DNPEP: variants seen among roughly 807,000 people sequenced by gnomAD.
DNPEP encodes the protein aspartyl aminopeptidase.
In DNPEP, 46 loss-of-function variants were observed where a neutral mutation model predicts 59.1. That is an observed-to-expected ratio of 0.78 (90% confidence interval 0.61 to 0.99). The LOEUF (loss-of-function observed/expected upper bound fraction) is 0.99, where lower values mean the gene tolerates loss of function less well. DNPEP is among the 50% of genes least tolerant of loss of function. The pLI, the probability that DNPEP is intolerant of heterozygous loss-of-function variation, is 0.00. For synonymous variants in DNPEP, 229 were observed against 242.2 expected (o/e 0.95, Z 0.50); for missense variants, 617 against 649.9 (o/e 0.95, Z 0.55).
chr2:219,399,477 A>G (rs1312557542), intron 1 of DNPEP: 1 of 465,122 alleles, frequency 2.1e-6, no homozygotes, highest in Middle Eastern at 3.2e-4. Context: ...GCTGAGGCCC[A>G]GGGATCTCCA....
intron 13 of DNPEP, among the ~76,000 whole-genome samples, chr2:219,379,611 A>T (rs1013346399): frequency 2.0e-5 from 3 of 152,228 alleles, no homozygotes; most frequent in African/African-American, 7.2e-5. Context: ...CAAAAATTTT[A>T]AAAATGGAAG....
At chr2:219,393,292 T>G (rs959793634), upstream of DNPEP, among the ~76,000 whole-genome samples, 1 of 152,074 alleles carries the variant, frequency 6.6e-6, no homozygotes. Flanking sequence ...TTTTTTTAGT[T>G]TTTTTGAGAC....
chr2:219,374,985 G>A lies in DNPEP; in HGVS notation c.1277C>T (p.Thr426Ile), dbSNP rs200051333. ...CCGAGAAGCCAAGATAGGTCCAATG[G>A]TGGTTCCACAGGGGGTGTCATTCCG... ...MVRNDTPCGTTIGPILASRLG... is the reference protein window; with the variant it reads ...MVRNDTPCGTIIGPILASRLG... Residue 426 changes from threonine (T) to isoleucine (I), a missense_variant, in exon 14 of 15, where the codon ACC becomes ATC. Coordinates refer to ENST00000273075, the MANE Select transcript of DNPEP (RefSeq NM_012100.4). 2.4e-5 allele frequency: 38 copies of A among 1,614,044 alleles called. No individual in the cohort carries two copies. The highest frequency in any genetic ancestry group is 1.9e-5 in the Non-Finnish European group (22 of 1,180,048).
At chr2:219,387,035 C>T (rs1355335963) in intron 2 of DNPEP, 35 bp downstream of exon 2, 11 of 1,612,046 alleles carry the variant, frequency 6.8e-6, no homozygotes, top group East Asian at 2.2e-5. Context: ...GCGCATCAGC[C>T]TCCACCCTCC....
chr2:219,383,238 G>A (rs1953674399), intron 9 of DNPEP, 24 bp from the exon 10 acceptor site: 1 of 1,602,832 alleles, frequency 6.2e-7, no homozygotes, highest in Non-Finnish European at 8.5e-7. Flanking sequence ...GGAAATGAGA[G>A]CATCATCTCC....
In DNPEP at chr2:219,383,195, G is replaced by A. The variant is rs185824214; in HGVS notation, c.872C>T (p.Ala291Val). ...CALQALIDSC[A>V]GPGSLATEPH... ...CTCTGTGGCCAGGGAGCCAGGGCCTGCACAGGAATCTATCAAGGCCTGGTT... is the reference window on the plus strand; with the variant it reads ...CTCTGTGGCCAGGGAGCCAGGGCCTACACAGGAATCTATCAAGGCCTGGTT... The change falls in exon 10 of 15, where the codon GCA (alanine) becomes GTA (valine). Residue 291 changes from alanine (A) to valine (V), a missense_variant. By Grantham distance (64) the Ala-to-Val change is moderately conservative (BLOSUM62 0). Coordinates refer to ENST00000273075, the MANE Select transcript of DNPEP (RefSeq NM_012100.4). The A allele has an allele frequency of 8.1e-6, 13 of 1,614,162 alleles. No individual in the cohort carries two copies. The highest frequency in any genetic ancestry group is 3.4e-6 in the Non-Finnish European group (4 of 1,180,002).
At chr2:219,382,247 C>G (rs1472182518) in intron 10 of DNPEP, 108 bp from the exon 11 acceptor site, 5 of 1,288,610 alleles carry the variant, frequency 3.9e-6, no homozygotes, top group Non-Finnish European at 4.3e-6. Context: ...CACTGAGTCA[C>G]TGGGTGTTCT....
upstream of DNPEP, among the ~76,000 whole-genome samples, chr2:219,392,316 T>TC (rs1954028818): frequency 6.6e-6 from 1 of 152,186 alleles, no homozygotes; most frequent in Admixed American, 6.5e-5. Flanking sequence ...TTACATACAC[T>TC]TCAGTGTGAG....
rs112344683 is a variant in DNPEP at position 219,374,181 on chromosome 2, G to C, written c.*111C>G. On this transcript the variant is annotated 3_prime_UTR_variant, in exon 15 of 15. Transcript: ENST00000273075. ...CCACTCCTCTAGTCTCCAAATAAGC[G>C]TAGCACGGAGAGTCTGAGTGACAAT... The C allele has an allele frequency of 1.9e-6, 2 of 1,080,222 alleles. No individual in the cohort carries two copies. Among genetic ancestry groups the C allele is most frequent in the South Asian group, 2.7e-5 (2 of 73,888 alleles). 66.9% of individuals were successfully genotyped at this position (1,080,222 alleles called of 1,614,324 possible).
At position 219,373,036 on chromosome 2, in the gene DNPEP, G is replaced by A. The variant is rs1246247197; in HGVS notation, c.*1256C>T. On this transcript the variant is annotated 3_prime_UTR_variant, in exon 15 of 15. Transcript: ENST00000273075. ...GCACAATTATTTTAGTGGAAGGAAG[G>A]AGGTTGGTTTATAAGCAGGCTTTGA... Among the ~76,000 whole-genome samples, 1 of 151,932 alleles carries A rather than the reference G, an allele frequency of 6.6e-6. No homozygotes were observed. The highest frequency in any genetic ancestry group is 2.4e-5 in the African/African-American group (1 of 41,414).
intron 13 of DNPEP, among the ~76,000 whole-genome samples, chr2:219,376,645 C>T (rs1424462973): frequency 6.6e-6 from 1 of 152,112 alleles, no homozygotes; most frequent in African/African-American, 2.4e-5. Flanking sequence ...AACCAAAGAA[C>T]CCTAGTTGAT....
At position 219,374,991 on chromosome 2, in the gene DNPEP, C is replaced by T. The variant is rs2125123736; in HGVS notation, c.1271G>A (p.Gly424Glu). The T allele has an allele frequency of 6.2e-7, 1 of 1,614,094 alleles. No individual in the cohort carries two copies. Among genetic ancestry groups the T allele is most frequent in the Non-Finnish European group, 8.5e-7 (1 of 1,180,030 alleles). ...DLMVRNDTPC[G>E]TTIGPILASR... ...AGCCAAGATAGGTCCAATGGTGGTTCCACAGGGGGTGTCATTCCGGACCAT... is the reference window on the plus strand; with the variant it reads ...AGCCAAGATAGGTCCAATGGTGGTTTCACAGGGGGTGTCATTCCGGACCAT... The change falls in exon 14 of 15, where the codon GGA becomes GAA. Residue 424 changes from glycine to glutamate, a missense_variant. Gly to Glu is a moderately conservative substitution (Grantham distance 98, BLOSUM62 -2). Transcript: ENST00000273075.
At chr2:219,398,021 C>T (rs1406619657) in intron 1 of DNPEP, among the ~76,000 whole-genome samples, 1 of 152,186 alleles carries the variant, frequency 6.6e-6, no homozygotes, top group Non-Finnish European at 1.5e-5. Flanking sequence ...AGTTGTGAGC[C>T]ATCACACCTG....
rs1281338315 is a variant in DNPEP at position 219,372,640 on chromosome 2, T to A, written c.*1652A>T. On this transcript the variant is annotated 3_prime_UTR_variant, in exon 15 of 15. Transcript: ENST00000273075. ...CCTCGGCCTCCCAAAGTGCTGGGAT[T>A]ACAGGCATAAGCCACCGTGCCTGGC... 2.6e-5 allele frequency among the ~76,000 whole-genome samples: 4 copies of A among 152,158 alleles called. No homozygotes were observed. Among genetic ancestry groups the A allele is most frequent in the Non-Finnish European group, 4.4e-5 (3 of 68,028 alleles).
In DNPEP at chr2:219,374,309, T is replaced by G; in HGVS notation, c.1441A>C (p.Asn481His). The G allele has an allele frequency of 2.5e-6, 4 of 1,614,078 alleles. No individual in the cohort carries two copies. Among genetic ancestry groups the G allele is most frequent in the East Asian group, 2.2e-5 (1 of 44,876 alleles). ...FFELFPSLSH[N>H]LLVD is the part of the protein sequence containing the mutation. Reference sequence around the variant, plus strand: ...AAGAGGGCTCAATCCACTAAGAGATTATGGCTTAGAGAAGGGAACAGCTCA... The same window carrying G: ...AAGAGGGCTCAATCCACTAAGAGATGATGGCTTAGAGAAGGGAACAGCTCA... Residue 481 changes from asparagine (N) to histidine (H), a missense_variant, in exon 15 of 15, where the codon AAT (asparagine) becomes CAT (histidine). Asn to His is a moderately conservative substitution (Grantham distance 68). Transcript: ENST00000273075.
In DNPEP at chr2:219,373,993, T is replaced by A; in HGVS notation, c.*299A>T. On this transcript the variant is annotated 3_prime_UTR_variant, in exon 15 of 15. Coordinates refer to ENST00000273075, the MANE Select transcript of DNPEP (RefSeq NM_012100.4). ...AGGACTAGGGGTGGGAGAAGTGACC[T>A]TCTGCTTGAGGATCCAGTCCACCCT... is the stretch of plus-strand genomic sequence containing the variant. 2.7e-6 allele frequency: 1 copy of A among 376,686 alleles called. No individual in the cohort carries two copies. The highest frequency in any genetic ancestry group is 3.9e-5 in the Admixed American group (1 of 25,634). The allele number at this position is 376,686 out of a possible 1,614,324, so 23.3% of individuals were successfully genotyped here.
chr2:219,391,053 A>G (rs1349577808), upstream of DNPEP, among the ~76,000 whole-genome samples: 7 of 152,142 alleles, frequency 4.6e-5, no homozygotes, highest in South Asian at 8.3e-4. Context: ...TTTACCTACT[A>G]TTACCATAAA....
intron 9 of DNPEP, among the ~76,000 whole-genome samples, chr2:219,383,921 G>T (rs1319668747): frequency 6.6e-6 from 1 of 152,188 alleles, no homozygotes; most frequent in Non-Finnish European, 1.5e-5. Context: ...GAATATCAAG[G>T]TGACTAGGAA....
intron 13 of DNPEP, among the ~76,000 whole-genome samples, chr2:219,376,150 A>T (rs1457033533): frequency 6.6e-6 from 1 of 152,208 alleles, no homozygotes; most frequent in African/African-American, 2.4e-5. Flanking sequence ...ATAATTATAG[A>T]GGACACTGAA....
Sources: allele counts gnomAD v4.1 joint callset (sites outside exome capture counted in the v4.1 genomes callset), GRCh38; gene constraint gnomAD v4.1.1; transcripts MANE v1.5; gene names NCBI Gene and HGNC (gene_info 2026-07-23, HGNC 2026-07-21).